Variants in STXBP5L observed in about 807,000 individuals in gnomAD.
STXBP5L encodes syntaxin-binding protein 5-like.
Under a neutral mutation model 144.5 loss-of-function variants are expected in STXBP5L, and 65 were observed. The ratio of observed to expected loss-of-function variants is 0.45; its 90% CI spans 0.37 to 0.55. STXBP5L has a LOEUF of 0.55. Among genes scored for constraint, STXBP5L ranks in the 20% least tolerant of loss-of-function variants. The probability of loss-of-function intolerance (pLI) is 0.00; values close to 1 mark genes in which losing one functional copy is unlikely to be tolerated. For missense variants in STXBP5L, 1,298 were observed against 1,405.5 expected (o/e 0.92, Z 1.22); for synonymous variants, 505 against 469.6 (o/e 1.08, Z -0.97).
intron 5 of STXBP5L, among the ~76,000 whole-genome samples, chr3:121,067,206 T>G (rs1286442265): frequency 6.6e-6 from 1 of 152,108 alleles, no homozygotes; most frequent in Admixed American, 6.5e-5. Flanking sequence ...TACTGTCTTT[T>G]AACTAGATTA....
chr3:121,117,901 A>G (rs1241235659), intron 6 of STXBP5L, among the ~76,000 whole-genome samples: 1 of 151,856 alleles, frequency 6.6e-6, no homozygotes, highest in African/African-American at 2.4e-5. Flanking sequence ...GCATAGAACT[A>G]AACTATCATT....
chr3:120,946,803 T>C (rs1209407350), intron 2 of STXBP5L, among the ~76,000 whole-genome samples: 1 of 151,748 alleles, frequency 6.6e-6, no homozygotes, highest in East Asian at 1.9e-4. Context: ...TGGGTTCTGG[T>C]TAGATTCTGC....
intron 20 of STXBP5L, among the ~76,000 whole-genome samples, chr3:121,322,138 G>C (rs943740383): frequency 3.9e-5 from 6 of 152,072 alleles, no homozygotes; most frequent in Admixed American, 3.9e-4. Context: ...GCATTAATTT[G>C]CTTAGGGTAA....
chr3:121,251,330 A>G (rs1183923552), intron 15 of STXBP5L, among the ~76,000 whole-genome samples: 1 of 152,220 alleles, frequency 6.6e-6, no homozygotes, highest in African/African-American at 2.4e-5. Flanking sequence ...ATTAGAAAAG[A>G]TAAAGAAATG....
chr3:121,086,523 A>T (rs1373928651), intron 5 of STXBP5L, among the ~76,000 whole-genome samples: 1 of 152,126 alleles, frequency 6.6e-6, no homozygotes, highest in Non-Finnish European at 1.5e-5. Context: ...AGTATTCACT[A>T]CAGTAACATA....
intron 3 of STXBP5L, among the ~76,000 whole-genome samples, chr3:120,999,460 G>A (rs936848054): frequency 6.6e-6 from 1 of 152,136 alleles, no homozygotes; most frequent in African/African-American, 2.4e-5. Flanking sequence ...GATCCTATGT[G>A]TGTCATTACA....
chr3:120,949,653 C>T (rs575826687), intron 2 of STXBP5L, among the ~76,000 whole-genome samples: 38 of 152,150 alleles, frequency 2.5e-4, no homozygotes, highest in Admixed American at 1.2e-3. Context: ...ATTATCCCAG[C>T]ACCATTTGTT....
chr3:121,051,711 G>A (rs1369239767), intron 5 of STXBP5L, among the ~76,000 whole-genome samples: 3 of 152,044 alleles, frequency 2.0e-5, no homozygotes, highest in African/African-American at 7.2e-5. Flanking sequence ...TCAAAAGCTA[G>A]CAGAAGGCAA....
intron 3 of STXBP5L, among the ~76,000 whole-genome samples, chr3:121,037,330 C>A (rs1232470274): frequency 6.6e-6 from 1 of 151,484 alleles, no homozygotes; most frequent in Non-Finnish European, 1.5e-5. Flanking sequence ...TCACTATAAC[C>A]TTAAATTTCT....
chr3:121,013,009 G>A (rs772337316), intron 3 of STXBP5L, among the ~76,000 whole-genome samples: 4 of 118,122 alleles, frequency 3.4e-5, no homozygotes, highest in Non-Finnish European at 7.0e-5. Context: ...CCATGTTGCT[G>A]CAATGGACAC....
At chr3:121,092,362 A>C (rs1271381178) in intron 5 of STXBP5L, among the ~76,000 whole-genome samples, 1 of 152,136 alleles carries the variant, frequency 6.6e-6, no homozygotes, top group Non-Finnish European at 1.5e-5. Context: ...TACCTTGGGC[A>C]GTATGGCCAT....
chr3:121,035,868 C>T (rs1382066720), intron 3 of STXBP5L, among the ~76,000 whole-genome samples: 1 of 152,000 alleles, frequency 6.6e-6, no homozygotes, highest in Non-Finnish European at 1.5e-5. Context: ...TCTTGAACAT[C>T]TTCATTTATT....
intron 20 of STXBP5L, among the ~76,000 whole-genome samples, chr3:121,337,620 A>C (rs1019057397): frequency 1.3e-5 from 2 of 152,118 alleles, no homozygotes; most frequent in Non-Finnish European, 2.9e-5. Flanking sequence ...TGGGGGACTC[A>C]ACACTCCGCT....
chr3:121,202,339 C>T (rs920082305), intron 9 of STXBP5L, among the ~76,000 whole-genome samples: 1 of 152,060 alleles, frequency 6.6e-6, no homozygotes, highest in African/African-American at 2.4e-5. Context: ...CACCCACCTT[C>T]TTTTTCTTGT....
chr3:121,337,188 A>AC (rs1393444970), intron 20 of STXBP5L, among the ~76,000 whole-genome samples: 4 of 151,514 alleles, frequency 2.6e-5, no homozygotes, highest in Non-Finnish European at 4.4e-5. Flanking sequence ...TGTACAACAA[A>AC]CCCCCATGAC....
intron 8 of STXBP5L, among the ~76,000 whole-genome samples, chr3:121,156,223 C>T (rs2046105683): frequency 6.6e-6 from 1 of 151,948 alleles, no homozygotes; most frequent in Non-Finnish European, 1.5e-5. Context: ...GTAATAATTA[C>T]TTTAGCCATC....
chr3:121,012,781 A>G (rs1944877466), intron 3 of STXBP5L, among the ~76,000 whole-genome samples: 3 of 151,916 alleles, frequency 2.0e-5, no homozygotes, highest in Admixed American at 1.3e-4. Flanking sequence ...TAATGATCCC[A>G]TCACCCAAGT....
intron 2 of STXBP5L, among the ~76,000 whole-genome samples, chr3:120,916,279 GT>G (rs1709097070): frequency 6.6e-6 from 1 of 152,008 alleles, no homozygotes; most frequent in African/African-American, 2.4e-5. Context: ...TTTAGTTTCA[GT>G]TAAGTGTTTT....
intron 5 of STXBP5L, among the ~76,000 whole-genome samples, chr3:121,088,337 A>G (rs1194919189): frequency 1.7e-5 from 2 of 115,676 alleles, no homozygotes. Flanking sequence ...AAACACATGA[A>G]GAAATGCTCA....
Sources: gnomAD v4.1 joint callset for allele counts (sites outside exome capture counted in the v4.1 genomes callset) on GRCh38, gnomAD v4.1.1 for gene constraint, MANE v1.5 for transcripts, NCBI Gene and HGNC (gene_info 2026-07-23, HGNC 2026-07-21) for gene names.